Variants in PLEKHA7 observed in about 807,000 individuals in gnomAD.
PLEKHA7 encodes the protein pleckstrin homology domain-containing family A member 7.
Under a neutral mutation model 170.0 loss-of-function variants are expected in PLEKHA7, and 104 were observed. The ratio of observed to expected loss-of-function variants is 0.61; its 90% CI spans 0.52 to 0.72. The LOEUF (loss-of-function observed/expected upper bound fraction) is 0.72. PLEKHA7 is among the 30% of genes least tolerant of loss of function. PLEKHA7 has a pLI of 0.00. For synonymous variants in PLEKHA7, 648 were observed against 660.8 expected, an observed-to-expected ratio of 0.98 and a Z score of 0.30; for missense variants, 1,615 against 1,671.7, an observed-to-expected ratio of 0.97 and a Z score of 0.59.
At position 16,791,383 on chromosome 11, in the gene PLEKHA7, T is replaced by G. The variant is rs1847844883; in HGVS notation, c.2746-184A>C. On this transcript the variant is annotated intron_variant, in intron 19 of 26. Transcript: ENST00000531066. The surrounding 1 kb of genome is among the most constrained non-coding windows in gnomAD (Gnocchi z 4.5). ...GGAGCAGTGAAGAAGGGACATGCTC[T>G]GCTCCTCTATCCCCTCAGAGGTATA... 1 of 620,628 alleles carries G rather than the reference T, an allele frequency of 1.6e-6. No homozygotes were observed. Among genetic ancestry groups the G allele is most frequent in the Non-Finnish European group, 2.9e-6 (1 of 350,134 alleles). The allele number at this position is 620,628 out of a possible 1,614,324, so 38.4% of individuals were successfully genotyped here.
intron 3 of PLEKHA7, among the ~76,000 whole-genome samples, chr11:16,997,914 T>A (rs539037913): frequency 2.6e-5 from 4 of 152,292 alleles, no homozygotes; most frequent in Admixed American, 6.5e-5. Flanking sequence ...GCACAGCCTG[T>A]CACAGAACAT....
intron 15 of PLEKHA7, among the ~76,000 whole-genome samples, chr11:16,802,367 C>T (rs1049212874): frequency 9.9e-5 from 15 of 152,150 alleles, no homozygotes; most frequent in African/African-American, 3.6e-4. Flanking sequence ...GCCACTTCCT[C>T]CAAAGGAACC....
Position 16,817,064 on chromosome 11 carries a change from G to T in PLEKHA7, c.1602C>A (p.His534Gln). The change falls in exon 11 of 27, where the codon CAC becomes CAA. Residue 534 changes from histidine (H) to glutamine (Q), a missense_variant. His to Gln is a conservative substitution (Grantham distance 24, BLOSUM62 0). Transcript: ENST00000531066. The surrounding 1 kb of genome is among the most constrained non-coding windows in gnomAD (Gnocchi z 4.4). The stretch of plus-strand genomic sequence containing the variant: ...GGCAGATGGGCGCTGTGGGGCTGCC[G>T]TGCCGGAACTGCTGGCGCTGCTGCC... ...YEWQQRQQFR[H>Q]GSPTAPICLG... 1.2e-6 allele frequency: 2 copies of T among 1,611,778 alleles called. No homozygotes were observed. Among genetic ancestry groups the T allele is most frequent in the Non-Finnish European group, 1.7e-6 (2 of 1,178,598 alleles).
intron 10 of PLEKHA7, among the ~76,000 whole-genome samples, chr11:16,819,246 C>T (rs1311009353): frequency 1.3e-5 from 2 of 152,132 alleles, no homozygotes; most frequent in East Asian, 1.9e-4. Flanking sequence ...TATAGGTGTG[C>T]ACCACCACGC....
intron 3 of PLEKHA7, among the ~76,000 whole-genome samples, chr11:16,976,076 A>C (rs1216672832): frequency 6.6e-6 from 1 of 152,214 alleles, no homozygotes; most frequent in Non-Finnish European, 1.5e-5. Flanking sequence ...GGTACTCATC[A>C]ATGGATCTGA....
chr11:17,002,135 C>G (rs946299723), intron 3 of PLEKHA7, among the ~76,000 whole-genome samples: 1 of 152,248 alleles, frequency 6.6e-6, no homozygotes, highest in African/African-American at 2.4e-5. Context: ...CATCACTCTT[C>G]TACCCTGCCT....
Position 16,794,683 on chromosome 11 carries a change from C to T in PLEKHA7, c.2550G>A (p.Pro850=), listed in dbSNP as rs527588774. 9.5e-5 allele frequency: 154 copies of T among 1,613,658 alleles called. No individual in the cohort carries two copies. The highest frequency in any genetic ancestry group is 1.3e-4 in the South Asian group (12 of 91,074). ...ERKTVPLFPH[P]PVPSLSTSES... is the part of the protein sequence containing the mutation. ...CAGAAGTTGAGAGTGAAGGCACAGG[C>T]GGGTGAGGAAACAAAGGCACCGTTT... Residue 850 remains proline (P), a synonymous_variant, in exon 19 of 27, where the codon CCG becomes CCA. Transcript: ENST00000531066.
In PLEKHA7 at chr11:16,803,364, C is replaced by T. The variant is rs1471566571; in HGVS notation, c.2008-69G>A. The T allele has an allele frequency of 4.7e-6, 7 of 1,495,726 alleles. No homozygotes were observed. In the East Asian group the frequency reaches 1.6e-4, roughly 34 times the overall value. The allele number at this position is 1,495,726 out of a possible 1,614,324, so 92.7% of individuals were successfully genotyped here. ...AGATCAGAACTCAGGAAAGAAAATT[C>T]ATCCTATAATGGATGGTGTGGAAGT... On this transcript the variant is annotated intron_variant, in intron 13 of 26. Transcript: ENST00000531066.
At chr11:16,794,224 ACTT>A (rs1384214011) in intron 19 of PLEKHA7, among the ~76,000 whole-genome samples, 8 of 149,582 alleles carry the variant, frequency 5.3e-5, no homozygotes, top group South Asian at 2.2e-4. Context: ...CAGCACGCTC[ACTT>A]CTTCTTGGTG....
intron 3 of PLEKHA7, among the ~76,000 whole-genome samples, 182 bp from the exon 4 acceptor site, chr11:16,871,364 A>G (rs553182467): frequency 7.8e-4 from 119 of 152,306 alleles, no homozygotes; most frequent in Admixed American, 1.3e-3. Flanking sequence ...GAAAAGCCCA[A>G]GAATTTCCAG....
chr11:16,917,264 C>A (rs1028844949), intron 3 of PLEKHA7, among the ~76,000 whole-genome samples: 1 of 152,114 alleles, frequency 6.6e-6, no homozygotes, highest in East Asian at 1.9e-4. Context: ...GCCTGTCTTC[C>A]CCACTAGAAT....
At chr11:16,944,082 G>A (rs1476675516) in intron 3 of PLEKHA7, among the ~76,000 whole-genome samples, 1 of 152,080 alleles carries the variant, frequency 6.6e-6, no homozygotes, top group Non-Finnish European at 1.5e-5. Context: ...GGCCGGGTGC[G>A]GTGGCTCACA....
chr11:17,004,970 T>C (rs532758316), intron 3 of PLEKHA7, among the ~76,000 whole-genome samples: 125 of 152,326 alleles, frequency 8.2e-4, no homozygotes, highest in African/African-American at 2.5e-3. Context: ...GATGCTGTCT[T>C]ACACTGAGCA....
intron 3 of PLEKHA7, among the ~76,000 whole-genome samples, chr11:16,987,696 T>C (rs1332212280): frequency 1.3e-5 from 2 of 152,192 alleles, no homozygotes; most frequent in Non-Finnish European, 2.9e-5. Context: ...CTCCTTTTCC[T>C]GCATAATGAA....
chr11:16,801,076 CTGTTGGCCAAGACAA>C lies in PLEKHA7; in HGVS notation c.2308-16_2308-2del. On this transcript the variant is annotated splice_acceptor_variant and splice_polypyrimidine_tract_variant and intron_variant, in intron 16 of 26. Transcript: ENST00000531066. LOFTEE classifies it high-confidence loss of function. ...ATTCGTTCCAAGCATTTTCCATCTC[CTGTTGGCCAAGACAA>C]TGCTTCCGGTTCTTAGTTATCCCCT... is the stretch of plus-strand genomic sequence containing the variant. The C allele has an allele frequency of 6.2e-7, 1 of 1,613,866 alleles. No individual in the cohort carries two copies. The highest frequency in any genetic ancestry group is 8.5e-7 in the Non-Finnish European group (1 of 1,179,732).
intron 4 of PLEKHA7, 89 bp from the exon 5 acceptor site, chr11:16,856,003 T>C (rs1490766231): frequency 8.7e-7 from 1 of 1,155,384 alleles, no homozygotes; most frequent in Non-Finnish European, 1.3e-6. Flanking sequence ...GAATCGGTTG[T>C]TGGGCCTTAG....
chr11:16,823,055 T>A (rs1731429898), intron 10 of PLEKHA7, among the ~76,000 whole-genome samples: 1 of 152,108 alleles, frequency 6.6e-6, no homozygotes, highest in African/African-American at 2.4e-5. Context: ...AGTGCAGTGG[T>A]ACAATCATAA....
intron 3 of PLEKHA7, among the ~76,000 whole-genome samples, chr11:16,987,246 G>A (rs1439573314): frequency 9.2e-5 from 13 of 140,830 alleles, no homozygotes; most frequent in African/African-American, 3.5e-4. Context: ...AAGCCTCCCC[G>A]ACCTCCCATC....
chr11:16,790,059 C>T (rs978371581), intron 21 of PLEKHA7, 181 bp from the exon 22 acceptor site: 20 of 610,168 alleles, frequency 3.3e-5, no homozygotes, highest in Non-Finnish European at 5.2e-5. Flanking sequence ...GGGGGCCAGC[C>T]CAGGGGTGAC....
Sources: allele counts gnomAD v4.1 joint callset (sites outside exome capture counted in the v4.1 genomes callset), GRCh38; gene constraint gnomAD v4.1.1; non-coding constraint Gnocchi (gnomAD v3.1); transcripts MANE v1.5; gene names NCBI Gene and HGNC (gene_info 2026-07-23, HGNC 2026-07-21).